The following CFAP20DC variants were observed in gnomAD, a reference collection of about 807,000 sequenced individuals.
CFAP20DC encodes the protein CFAP20 domain containing, also known as protein CFAP20DC.
Under a neutral mutation model 101.7 loss-of-function variants are expected in CFAP20DC, and 84 were observed. The ratio of observed to expected loss-of-function variants is 0.83; its 90% CI spans 0.69 to 0.99. CFAP20DC has a LOEUF of 0.99. Ranked by LOEUF, CFAP20DC falls within the 50% of genes least tolerant of loss-of-function variation. The probability of loss-of-function intolerance (pLI) is 0.00; values close to 1 mark genes in which losing one functional copy is unlikely to be tolerated. For missense variants in CFAP20DC, 1,007 were observed against 970.3 expected (o/e 1.04, Z -0.50); for synonymous variants, 359 against 351.2 (o/e 1.02, Z -0.25).
At position 58,750,015 on chromosome 3, in the gene CFAP20DC, G is replaced by A. The variant is rs117999223; in HGVS notation, c.2332+3754C>T. Among the ~76,000 whole-genome samples the A allele has an allele frequency of 3.0e-4, 46 of 152,276 alleles. No homozygotes were observed. In the East Asian group the frequency reaches 8.7e-3, roughly 29 times the overall value. ...TGAAGAGCTGATCATTTCCCATCCA[G>A]TGGGATGTCAGAGATCCGAATGCAG... On this transcript the variant is annotated intron_variant, in intron 16 of 16. Transcript: ENST00000482387.
At chr3:58,831,656 T>C (rs981048225) in intron 14 of CFAP20DC, 30 bp downstream of exon 14, 5 of 1,600,526 alleles carry the variant, frequency 3.1e-6, no homozygotes, top group Admixed American at 3.3e-5. Flanking sequence ...TGTTAAGCAA[T>C]GAGAGGAAGC....
rs986587169 is a variant in CFAP20DC, at chr3:58,849,393, T to C, written c.1610A>G (p.Gln537Arg). 4 of 1,528,546 alleles carry C rather than the reference T, an allele frequency of 2.6e-6. No individual in the cohort carries two copies. Among genetic ancestry groups the C allele is most frequent in the Non-Finnish European group, 2.6e-6 (3 of 1,144,404 alleles). 94.7% of individuals were successfully genotyped at this position (1,528,546 alleles called of 1,614,324 possible). A position where few individuals can be genotyped will look rare whatever the true frequency, so the allele number is the denominator to read the frequency against. The stretch of plus-strand genomic sequence containing the variant: ...ACCAGTTGTTGGGCCTCGAGAACCC[T>C]GGATACTGTGGTTACCCTATGTTGG... ...DSSEEGNHSI[Q>R]GSRGPTTGPS... is the part of the protein sequence containing the mutation. The change falls in exon 13 of 17, where the codon CAG becomes CGG. Residue 537 changes from glutamine to arginine, a missense_variant. Transcript: ENST00000482387.
intron 4 of CFAP20DC, among the ~76,000 whole-genome samples, chr3:59,020,422 T>C (rs1030990538): frequency 6.6e-5 from 10 of 152,200 alleles, no homozygotes; most frequent in African/African-American, 2.4e-4. Flanking sequence ...TTGACTCTTG[T>C]TTACTCAAAA....
intron 7 of CFAP20DC, among the ~76,000 whole-genome samples, chr3:58,878,881 ACCTGT>A (rs2080994107): frequency 6.6e-6 from 1 of 151,976 alleles, no homozygotes; most frequent in Non-Finnish European, 1.5e-5. Flanking sequence ...GGTGGTGGGC[ACCTGT>A]AGTCCCAGCT....
At chr3:59,036,659 G>C (rs947718292) in intron 4 of CFAP20DC, among the ~76,000 whole-genome samples, 1 of 152,074 alleles carries the variant, frequency 6.6e-6, no homozygotes, top group Non-Finnish European at 1.5e-5. Flanking sequence ...ACAAACAAAT[G>C]GAAAAACATC....
At chr3:58,862,443 G>A in intron 12 of CFAP20DC, 3 of 985,374 alleles carry the variant, frequency 3.0e-6, no homozygotes, top group Non-Finnish European at 3.6e-6. Context: ...ATGTATAAAA[G>A]GATTTGCAGT....
rs181560066 is a variant in CFAP20DC at position 58,926,166 on chromosome 3, G to A, written c.393+11482C>T. Among the ~76,000 whole-genome samples, 6 of 152,156 alleles carry A rather than the reference G, an allele frequency of 3.9e-5. No individual in the cohort carries two copies. The East Asian group carries it at 1.2e-3, about 29-fold the overall frequency. ...GGATCATTTGAGGTCAGGAGTTAGA[G>A]ACCAGCCTGCCCAACATGGTGAAAC... On this transcript the variant is annotated intron_variant, in intron 5 of 16. Transcript: ENST00000482387.
chr3:58,920,765 T>C (rs1473500637), intron 5 of CFAP20DC, among the ~76,000 whole-genome samples: 2 of 152,208 alleles, frequency 1.3e-5, no homozygotes, highest in Non-Finnish European at 2.9e-5. Context: ...GAACTTTTAC[T>C]ATCTTTGTCT....
downstream of CFAP20DC, among the ~76,000 whole-genome samples, chr3:58,741,062 G>A (rs538492882): frequency 5.3e-5 from 8 of 152,246 alleles, no homozygotes; most frequent in East Asian, 1.4e-3. Context: ...ATCTACTCCT[G>A]TAAAAAGAGC....
intron 5 of CFAP20DC, among the ~76,000 whole-genome samples, chr3:58,925,121 C>T (rs73840014): frequency 0.018 from 2,725 of 152,052 alleles, 70 homozygotes; most frequent in African/African-American, 0.061. Flanking sequence ...GGGTCTGTTT[C>T]TAGTCCCTGA....
At chr3:58,792,708 A>G (rs1057122993) in intron 15 of CFAP20DC, among the ~76,000 whole-genome samples, 1 of 151,674 alleles carries the variant, frequency 6.6e-6, no homozygotes, top group African/African-American at 2.4e-5. Context: ...CTGTGACAAA[A>G]TATAGTTGTT....
At chr3:58,806,567 A>C in intron 14 of CFAP20DC, 111 bp from the exon 15 acceptor site, 13 of 661,280 alleles carry the variant, frequency 2.0e-5, no homozygotes, top group East Asian at 3.4e-5. Context: ...ACCCACAAGA[A>C]GGGTATGGGT....
chr3:58,999,561 G>A (rs1262192729), intron 4 of CFAP20DC, among the ~76,000 whole-genome samples: 1 of 152,106 alleles, frequency 6.6e-6, no homozygotes, highest in Non-Finnish European at 1.5e-5. Context: ...TCCAGGCCTG[G>A]AGTTATAGAT....
chr3:58,946,278 G>A (rs933983860), intron 4 of CFAP20DC, among the ~76,000 whole-genome samples: 4 of 151,462 alleles, frequency 2.6e-5, no homozygotes, highest in Non-Finnish European at 5.9e-5. Flanking sequence ...CACCATGCCC[G>A]GCTAATTTTT....
chr3:58,937,617 A>T (rs1334587315), intron 5 of CFAP20DC, 31 bp downstream of exon 5: 10 of 1,288,572 alleles, frequency 7.8e-6, no homozygotes, highest in Non-Finnish European at 1.1e-5. Context: ...ATTGAATTTA[A>T]TATTTTAGGC....
chr3:58,852,119 T>C (rs1316149632), intron 12 of CFAP20DC, among the ~76,000 whole-genome samples: 1 of 152,030 alleles, frequency 6.6e-6, no homozygotes, highest in East Asian at 1.9e-4. Flanking sequence ...TCCAACCTCT[T>C]AGTAGCCATT....
chr3:58,997,719 C>A (rs535589605), intron 4 of CFAP20DC, among the ~76,000 whole-genome samples: 1 of 152,244 alleles, frequency 6.6e-6, no homozygotes, highest in Non-Finnish European at 1.5e-5. Flanking sequence ...ATTTTAAGGA[C>A]CTCTAAGCCT....
chr3:59,002,589 A>C lies in CFAP20DC; in HGVS notation c.278+36968T>G, dbSNP rs1053389322. 5.9e-5 allele frequency among the ~76,000 whole-genome samples: 9 copies of C among 152,184 alleles called. No homozygotes were observed. Among genetic ancestry groups the C allele is most frequent in the African/African-American group, 2.2e-4 (9 of 41,450 alleles). ...AAATTAACATCACAGAAAGTACTAA[A>C]TTTTATGTTCCATTATTCTTTCTCT... On this transcript the variant is annotated intron_variant, in intron 4 of 16. Transcript: ENST00000482387. The surrounding 1 kb of genome is among the most constrained non-coding windows in gnomAD (Gnocchi z 4.5).
In CFAP20DC at chr3:58,868,564, G is replaced by A. The variant is rs1350331807; in HGVS notation, c.1016-628C>T. ...GTAGTAATGCCATTCCCATTTTACA[G>A]AGGAGAAAACTAAGGTTCACAGCGT... On this transcript the variant is annotated intron_variant, in intron 9 of 16. Transcript: ENST00000482387. This position sits in a 1 kb window ranked among gnomAD's most constrained non-coding sequence, Gnocchi z 4.6. 1.3e-5 allele frequency among the ~76,000 whole-genome samples: 2 copies of A among 152,102 alleles called. No homozygotes were observed. The highest frequency in any genetic ancestry group is 4.8e-5 in the African/African-American group (2 of 41,428).
Sources: gnomAD v4.1 joint callset for allele counts (sites outside exome capture counted in the v4.1 genomes callset) on GRCh38, gnomAD v4.1.1 for gene constraint, Gnocchi (gnomAD v3.1) non-coding constraint, MANE v1.5 for transcripts, NCBI Gene and HGNC (gene_info 2026-07-23, HGNC 2026-07-21) for gene names.